SLC26A11: variants seen among roughly 807,000 people sequenced by gnomAD.
SLC26A11 encodes the protein sodium-independent sulfate anion transporter.
SLC26A11 carries 58 observed loss-of-function variants against 62.2 expected under a neutral mutation model. That is an observed-to-expected ratio of 0.93 (90% CI 0.76 to 1.16). SLC26A11 has a LOEUF of 1.16. SLC26A11 is among the 50% of genes most tolerant of loss of function. SLC26A11 has a pLI of 0.00. For missense variants in SLC26A11, 790 were observed against 794.3 expected (o/e 0.99, Z 0.06); for synonymous variants, 411 against 368.9 (o/e 1.11, Z -1.31).
intron 10 of SLC26A11, among the ~76,000 whole-genome samples, chr17:80,242,917 C>T (rs1460328716): frequency 6.6e-6 from 1 of 152,168 alleles, no homozygotes; most frequent in Non-Finnish European, 1.5e-5. Flanking sequence ...CCATATTGAT[C>T]AGGCTGGTCT....
chr17:80,227,693 A>T, intron 6 of SLC26A11, 125 bp from the exon 7 acceptor site: 2 of 1,357,072 alleles, frequency 1.5e-6, no homozygotes, highest in Non-Finnish European at 2.0e-6. Context: ...TGGGACCAGC[A>T]GCCTGGGCAT....
intron 7 of SLC26A11, among the ~76,000 whole-genome samples, chr17:80,231,128 A>T (rs1598806727): frequency 4.1e-5 from 5 of 120,720 alleles, no homozygotes; most frequent in African/African-American, 6.3e-5. Context: ...ATTTATTTTC[A>T]GTTAACTTTA....
chr17:80,224,885 C>G (rs925757482), intron 5 of SLC26A11, among the ~76,000 whole-genome samples: 2 of 152,032 alleles, frequency 1.3e-5, no homozygotes, highest in African/African-American at 4.8e-5. Context: ...AGGCCCAGGA[C>G]AGAAGACCCT....
Position 80,228,105 on chromosome 17 carries a change from T to C in SLC26A11, c.736+145T>C. 1.7e-6 allele frequency: 1 copy of C among 587,380 alleles called. No homozygotes were observed. 36.4% of individuals were successfully genotyped at this position (587,380 alleles called of 1,614,324 possible). On this transcript the variant is annotated intron_variant, in intron 7 of 17. Coordinates refer to ENST00000361193, the MANE Select transcript of SLC26A11 (RefSeq NM_001166347.2). This position sits in a 1 kb window ranked among gnomAD's most constrained non-coding sequence, Gnocchi z 4.1. ...GGACATTTAAAACACCACACCAAAC[T>C]CTGGGACATGTACTTTTTATTTAAT... is the stretch of plus-strand genomic sequence containing the variant.
At position 80,222,488 on chromosome 17, in the gene SLC26A11, A is replaced by G. The variant is rs74000634; in HGVS notation, c.235-167A>G. On this transcript the variant is annotated intron_variant, in intron 3 of 17. Transcript: ENST00000361193. This position sits in a 1 kb window ranked among gnomAD's most constrained non-coding sequence, Gnocchi z 4.7. The stretch of plus-strand genomic sequence containing the variant: ...GGCCCCAGTTGAGTGCTGCTAAAAA[A>G]GTGGCCTCCTGATCACTGCAGGTCC... 887 of 640,310 alleles carry G rather than the reference A, an allele frequency of 1.4e-3. 8 individuals are homozygous for G. In the African/African-American group the frequency reaches 0.014, roughly 10 times the overall value. 39.7% of individuals were successfully genotyped at this position (640,310 alleles called of 1,614,324 possible).
intron 7 of SLC26A11, among the ~76,000 whole-genome samples, chr17:80,229,677 G>A (rs1238895491): frequency 6.6e-6 from 1 of 152,050 alleles, no homozygotes; most frequent in African/African-American, 2.4e-5. Context: ...TGATCCGCCC[G>A]CCTCAGCCTC....
In SLC26A11 at chr17:80,228,480, T is replaced by G. The variant is rs2144893759; in HGVS notation, c.736+520T>G. Among the ~76,000 whole-genome samples the G allele has an allele frequency of 6.6e-6, 1 of 152,302 alleles. No homozygotes were observed. Among genetic ancestry groups the G allele is most frequent in the African/African-American group, 2.4e-5 (1 of 41,568 alleles). ...CTGAGCCAAACTCGGTGGGTTCTGA[T>G]GCAGGGTCAGAGCTGAGAACTGATG... is the stretch of plus-strand genomic sequence containing the variant. On this transcript the variant is annotated intron_variant, in intron 7 of 17. Transcript: ENST00000361193. This position sits in a 1 kb window ranked among gnomAD's most constrained non-coding sequence, Gnocchi z 4.1.
At chr17:80,226,260 G>A (rs2042407703) in intron 6 of SLC26A11, among the ~76,000 whole-genome samples, 1 of 152,206 alleles carries the variant, frequency 6.6e-6, no homozygotes, top group African/African-American at 2.4e-5. Context: ...AAAGAAGGCA[G>A]TGTGTCTCCC....
intron 6 of SLC26A11, 78 bp downstream of exon 6, chr17:80,225,994 TCCCCA>T (rs2042399001): frequency 7.4e-7 from 1 of 1,347,006 alleles, no homozygotes; most frequent in African/African-American, 1.4e-5. Flanking sequence ...CACCTCAGTT[TCCCCA>T]CCCCTGGTGA....
chr17:80,234,608 C>T (rs2042644640), intron 7 of SLC26A11, among the ~76,000 whole-genome samples: 1 of 152,248 alleles, frequency 6.6e-6, no homozygotes, highest in Non-Finnish European at 1.5e-5. Context: ...TCCCCCTATG[C>T]GATTCCACAG....
intron 7 of SLC26A11, among the ~76,000 whole-genome samples, chr17:80,233,535 T>C (rs2042613369): frequency 6.6e-6 from 1 of 151,988 alleles, no homozygotes. Flanking sequence ...ACCTGAAGGA[T>C]GTTATTTTTT....
chr17:80,240,145 A>G (rs1237720610), intron 9 of SLC26A11, among the ~76,000 whole-genome samples: 1 of 152,170 alleles, frequency 6.6e-6, no homozygotes, highest in Non-Finnish European at 1.5e-5. Context: ...AGGCGGGTGG[A>G]TCACAAGGTC....
intron 10 of SLC26A11, among the ~76,000 whole-genome samples, chr17:80,244,049 G>A (rs528205610): frequency 1.3e-5 from 2 of 152,310 alleles, no homozygotes; most frequent in African/African-American, 2.4e-5. Flanking sequence ...TCTCAGGGCC[G>A]TGAGCTGGGC....
Position 80,227,712 on chromosome 17 carries a change from C to T in SLC26A11, c.594-106C>T. 4 of 1,497,332 alleles carry T rather than the reference C, an allele frequency of 2.7e-6. No individual in the cohort carries two copies. The South Asian group carries it at 5.1e-5, about 19-fold the overall frequency. The allele number at this position is 1,497,332 out of a possible 1,614,324, so 92.8% of individuals were successfully genotyped here. ...ACCAGCAGCCTGGGCATTGGGCCTC[C>T]CTGGGAGCTTCTTAGTGCCTCTCAG... On this transcript the variant is annotated intron_variant, in intron 6 of 17. Transcript: ENST00000361193.
At chr17:80,232,219 C>T (rs1193113452) in intron 7 of SLC26A11, among the ~76,000 whole-genome samples, 3 of 151,902 alleles carry the variant, frequency 2.0e-5, no homozygotes, top group African/African-American at 4.8e-5. Context: ...AGAGCTACTC[C>T]AGCTTTCATT....
intron 7 of SLC26A11, among the ~76,000 whole-genome samples, chr17:80,230,774 C>T (rs2042544478): frequency 6.6e-6 from 1 of 152,194 alleles, no homozygotes; most frequent in African/African-American, 2.4e-5. Flanking sequence ...TGACTCCTTT[C>T]TCCCCAGTGT....
At chr17:80,236,282 G>T (rs1371120584) in intron 7 of SLC26A11, among the ~76,000 whole-genome samples, 1 of 152,230 alleles carries the variant, frequency 6.6e-6, no homozygotes, top group Non-Finnish European at 1.5e-5. Flanking sequence ...GCAGATCTCT[G>T]CAGCTCTGTC....
intron 10 of SLC26A11, among the ~76,000 whole-genome samples, chr17:80,244,746 G>A (rs1206127867): frequency 6.6e-6 from 1 of 152,124 alleles, no homozygotes; most frequent in African/African-American, 2.4e-5. Context: ...GGAGGTCGAA[G>A]CGGGTGGATC....
chr17:80,234,328 TGCTGTCTTCTG>T (rs1338438880), intron 7 of SLC26A11, among the ~76,000 whole-genome samples: 7 of 152,216 alleles, frequency 4.6e-5, no homozygotes. Flanking sequence ...GATGCTATTC[TGCTGTCTTCTG>T]GCCCACTTCG....
Sources: allele counts gnomAD v4.1 joint callset (sites outside exome capture counted in the v4.1 genomes callset), GRCh38; gene constraint gnomAD v4.1.1; non-coding constraint Gnocchi (gnomAD v3.1); transcripts MANE v1.5; gene names NCBI Gene and HGNC (gene_info 2026-07-23, HGNC 2026-07-21).